ALK: variants seen among roughly 807,000 people sequenced by gnomAD.
The protein encoded by ALK is ALK receptor tyrosine kinase, also known as ALK tyrosine kinase receptor.
In ALK, 74 loss-of-function variants were observed where a neutral mutation model predicts 163.1. The ratio of observed to expected loss-of-function variants is 0.45; its 90% CI spans 0.38 to 0.55. ALK has a LOEUF of 0.55. Among genes scored for constraint, ALK ranks in the 20% least tolerant of loss-of-function variants. ALK has a pLI of 0.00. For synonymous variants in ALK, 960 were observed against 843.2 expected (o/e 1.14, Z -2.40); for missense variants, 2,063 against 2,105.3 (o/e 0.98, Z 0.39).
chr2:29,880,948 T>C (rs1666849267), intron 1 of ALK, among the ~76,000 whole-genome samples: 1 of 152,178 alleles, frequency 6.6e-6, no homozygotes, highest in Non-Finnish European at 1.5e-5. Context: ...GTTAACTTTT[T>C]AGTAGTCTAG....
intron 3 of ALK, among the ~76,000 whole-genome samples, chr2:29,690,252 C>G (rs926792688): frequency 1.3e-5 from 2 of 152,176 alleles, no homozygotes; most frequent in Non-Finnish European, 2.9e-5. Context: ...AACAGAAGAA[C>G]CTCAGTAGCA....
At chr2:29,702,970 T>G (rs1678791239) in intron 2 of ALK, among the ~76,000 whole-genome samples, 1 of 152,222 alleles carries the variant, frequency 6.6e-6, no homozygotes, top group African/African-American at 2.4e-5. Flanking sequence ...GAATATGTGC[T>G]GTGTTTCTTG....
intron 1 of ALK, among the ~76,000 whole-genome samples, chr2:29,870,409 T>C (rs1666547490): frequency 6.6e-6 from 1 of 152,028 alleles, no homozygotes; most frequent in South Asian, 2.1e-4. Context: ...CCAGATCTCA[T>C]AAGAACTCAC....
intron 4 of ALK, among the ~76,000 whole-genome samples, chr2:29,446,327 T>C (rs1346803920): frequency 6.6e-6 from 1 of 151,998 alleles, no homozygotes; most frequent in African/African-American, 2.4e-5. Flanking sequence ...GCAGGACTAT[T>C]TACCAGGCTA....
intron 4 of ALK, among the ~76,000 whole-genome samples, chr2:29,515,168 A>T (rs998730264): frequency 1.3e-5 from 2 of 151,962 alleles, no homozygotes; most frequent in Non-Finnish European, 1.5e-5. Flanking sequence ...ACTTCTACTC[A>T]TCTTTCACAC....
At chr2:29,197,514 A>G in intron 27 of ALK, 28 bp downstream of exon 27, 1 of 1,612,518 alleles carries the variant, frequency 6.2e-7, no homozygotes, top group Non-Finnish European at 8.5e-7. Flanking sequence ...CTTAGTAACT[A>G]GCAGAAGTGT....
chr2:29,420,698 T>C (rs757151948), intron 4 of ALK, among the ~76,000 whole-genome samples: 1 of 151,434 alleles, frequency 6.6e-6, no homozygotes, highest in Non-Finnish European at 1.5e-5. Context: ...GCAGAGTGGA[T>C]CGTATGCAGA....
At chr2:29,826,143 GCC>G (rs1665192303) in intron 1 of ALK, among the ~76,000 whole-genome samples, 1 of 152,052 alleles carries the variant, frequency 6.6e-6, no homozygotes, top group South Asian at 2.1e-4. Flanking sequence ...CTCTGCCATG[GCC>G]TGCTATTCTG....
intron 3 of ALK, among the ~76,000 whole-genome samples, chr2:29,548,086 T>C (rs111648083): frequency 0.027 from 4,118 of 152,300 alleles, 67 homozygotes; most frequent in Middle Eastern, 0.075. Context: ...TTCTTCTTTT[T>C]CTTGCCTAGA....
At chr2:29,627,497 C>G (rs1269354192) in intron 3 of ALK, among the ~76,000 whole-genome samples, 1 of 151,604 alleles carries the variant, frequency 6.6e-6, no homozygotes, top group Non-Finnish European at 1.5e-5. Context: ...AGCAGTGGGC[C>G]AGGGAATTGA....
intron 9 of ALK, 136 bp from the exon 10 acceptor site, chr2:29,275,632 G>A (rs1054845472): frequency 1.1e-5 from 9 of 835,588 alleles, no homozygotes; most frequent in African/African-American, 1.7e-5. Flanking sequence ...CCAGAGCAGT[G>A]GCGAGAGAAG....
intron 3 of ALK, among the ~76,000 whole-genome samples, chr2:29,628,162 T>C (rs943981749): frequency 6.6e-6 from 1 of 152,224 alleles, no homozygotes; most frequent in Admixed American, 6.5e-5. Flanking sequence ...ACTTTCATTA[T>C]GATTTCAGAT....
chr2:29,709,385 G>T (rs1679008247), intron 2 of ALK, among the ~76,000 whole-genome samples: 1 of 152,136 alleles, frequency 6.6e-6, no homozygotes, highest in Admixed American at 6.6e-5. Context: ...GCTGTAGGTT[G>T]GGAATTGGGA....
chr2:29,405,957 G>A lies in ALK; in HGVS notation c.1155-22098C>T, dbSNP rs189493861. Among the ~76,000 whole-genome samples, 38 of 152,088 alleles carry A rather than the reference G, an allele frequency of 2.5e-4. No individual in the cohort carries two copies. In the East Asian group the frequency reaches 3.9e-3, roughly 15 times the overall value. On this transcript the variant is annotated intron_variant, in intron 4 of 28. Coordinates refer to ENST00000389048, the MANE Select transcript of ALK (RefSeq NM_004304.5). The stretch of plus-strand genomic sequence containing the variant: ...CACTTCCTGCTCTTTTTCCTCTTTC[G>A]GTTTCTGAGTCTGTGTTTGGCATCT...
intron 3 of ALK, among the ~76,000 whole-genome samples, chr2:29,669,679 C>A (rs1027035349): frequency 3.9e-5 from 6 of 151,950 alleles, no homozygotes; most frequent in Non-Finnish European, 8.8e-5. Flanking sequence ...CCCTTTCTTA[C>A]CATTTCCCTT....
At chr2:29,713,793 A>C (rs534480700) in intron 2 of ALK, among the ~76,000 whole-genome samples, 2 of 152,294 alleles carry the variant, frequency 1.3e-5, no homozygotes, top group East Asian at 3.9e-4. Flanking sequence ...TTTATAATAC[A>C]ACTTAAATGA....
intron 3 of ALK, among the ~76,000 whole-genome samples, chr2:29,536,226 G>T (rs1673252947): frequency 6.6e-6 from 1 of 152,160 alleles, no homozygotes; most frequent in Non-Finnish European, 1.5e-5. Context: ...AGTGTTGGAG[G>T]TGAGGCCTGG....
At chr2:29,834,394 A>G (rs1024581548) in intron 1 of ALK, among the ~76,000 whole-genome samples, 2 of 152,218 alleles carry the variant, frequency 1.3e-5, no homozygotes, top group Non-Finnish European at 2.9e-5. Flanking sequence ...CTGATTTGAC[A>G]TGTTATTTTG....
At chr2:29,872,106 C>T (rs1431365293) in intron 1 of ALK, among the ~76,000 whole-genome samples, 1 of 152,198 alleles carries the variant, frequency 6.6e-6, no homozygotes, top group Non-Finnish European at 1.5e-5. Context: ...CTTGCTTCTC[C>T]TTTTGATTAA....
Sources: allele counts gnomAD v4.1 joint callset (sites outside exome capture counted in the v4.1 genomes callset), GRCh38; gene constraint gnomAD v4.1.1; transcripts MANE v1.5; gene names NCBI Gene and HGNC (gene_info 2026-07-23, HGNC 2026-07-21).